The following COL12A1 variants were observed in gnomAD, a reference collection of about 807,000 sequenced individuals.
The protein encoded by COL12A1 is collagen type XII alpha 1 chain.
In COL12A1, 114 loss-of-function variants were observed where a neutral mutation model predicts 349.7. The observed-to-expected ratio is 0.33, with a 90% CI of 0.28 to 0.38. The LOEUF (loss-of-function observed/expected upper bound fraction) is 0.38. COL12A1 is among the 10% of genes least tolerant of loss of function. The probability of loss-of-function intolerance (pLI) is 1.00; values close to 1 mark genes in which losing one functional copy is unlikely to be tolerated. For synonymous variants in COL12A1, 1,369 were observed against 1,329.0 expected (o/e 1.03, Z -0.66); for missense variants, 3,284 against 3,756.9 (o/e 0.87, Z 3.29).
chr6:75,120,121 C>A (rs1007302830), intron 44 of COL12A1, among the ~76,000 whole-genome samples: 1 of 151,966 alleles, frequency 6.6e-6, no homozygotes, highest in Non-Finnish European at 1.5e-5. Context: ...GTAACTGGTA[C>A]ATAGATGTTA....
At chr6:75,103,678 A>T (rs1253395673) in intron 55 of COL12A1, 79 bp downstream of exon 55, 1 of 1,227,816 alleles carries the variant, frequency 8.1e-7, no homozygotes, top group African/African-American at 1.5e-5. Context: ...TCAAGATCAC[A>T]TACCCCCTTT....
rs748426443 is a variant in COL12A1 at position 75,134,017 on chromosome 6, C to T, written c.5525-20G>A. 29 of 1,607,306 alleles carry T rather than the reference C, an allele frequency of 1.8e-5. No individual in the cohort carries two copies. Among genetic ancestry groups the T allele is most frequent in the Non-Finnish European group, 2.5e-5 (29 of 1,176,456 alleles). ...GAGGTTCTGAAATGCACAGAAATCCCATCACAGTATAATGCTAACAATCAA... is the reference window on the plus strand; with the variant it reads ...GAGGTTCTGAAATGCACAGAAATCCTATCACAGTATAATGCTAACAATCAA... On this transcript the variant is annotated intron_variant, in intron 32 of 65. Transcript: ENST00000322507.
chr6:75,151,709 A>C (rs904530723), intron 20 of COL12A1, among the ~76,000 whole-genome samples, 158 bp downstream of exon 20: 1 of 152,212 alleles, frequency 6.6e-6, no homozygotes, highest in East Asian at 1.9e-4. Context: ...AAAAAGAAGA[A>C]AAAAGTGAAT....
intron 27 of COL12A1, among the ~76,000 whole-genome samples, chr6:75,141,262 C>T (rs1467856521): frequency 6.6e-6 from 1 of 152,088 alleles, no homozygotes; most frequent in Non-Finnish European, 1.5e-5. Flanking sequence ...TTATTATGTG[C>T]CAGGCACTGG....
chr6:75,141,890 A>T, intron 27 of COL12A1, 142 bp downstream of exon 27: 2 of 1,026,870 alleles, frequency 1.9e-6, no homozygotes, highest in Non-Finnish European at 2.8e-6. Flanking sequence ...ACAAAAAAAT[A>T]AGTGAAAAAC....
chr6:75,108,385 G>A (rs977509841), intron 52 of COL12A1, among the ~76,000 whole-genome samples: 1 of 152,090 alleles, frequency 6.6e-6, no homozygotes, highest in East Asian at 1.9e-4. Flanking sequence ...ATGGTGCCTG[G>A]CTTTGATTGA....
rs1217813368 is a variant in COL12A1 at position 75,188,481 on chromosome 6, A to C, written c.878T>G (p.Leu293Arg). Residue 293 changes from leucine to arginine, a missense_variant, in exon 8 of 66, where the codon CTG becomes CGG. Leu to Arg is a moderately radical substitution (Grantham distance 102). This residue lies in a region of COL12A1 where 2,601 missense variants were observed against 2,824.8 expected (regional missense o/e 0.92). Coordinates refer to ENST00000322507, the MANE Select transcript of COL12A1 (RefSeq NM_004370.6). ...ELKQIASTPSLNHVFNVANFD... is the reference protein window; with the variant it reads ...ELKQIASTPSRNHVFNVANFD... ...GTTGGCCACATTGAAAACATGGTTC[A>C]GTGAAGGTGTGGAGGCAATTTGTTT... 6.2e-7 allele frequency: 1 copy of C among 1,613,426 alleles called. No homozygotes were observed. The highest frequency in any genetic ancestry group is 1.3e-5 in the African/African-American group (1 of 74,884).
At chr6:75,129,974 T>C in intron 37 of COL12A1, 117 bp downstream of exon 37, 1 of 1,230,752 alleles carries the variant, frequency 8.1e-7, no homozygotes, top group Non-Finnish European at 1.1e-6. Flanking sequence ...GAGAAAATCC[T>C]AAAGTGTGAC....
chr6:75,089,910 G>A (rs1238488035), intron 63 of COL12A1, among the ~76,000 whole-genome samples, 200 bp downstream of exon 63: 1 of 152,096 alleles, frequency 6.6e-6, no homozygotes, highest in African/African-American at 2.4e-5. Context: ...TCTTTACTGA[G>A]ATCTGATAAA....
At chr6:75,112,836 A>T (rs1464332822) in intron 51 of COL12A1, among the ~76,000 whole-genome samples, 2 of 151,630 alleles carry the variant, frequency 1.3e-5, no homozygotes, top group African/African-American at 4.8e-5. Context: ...TTCAATAAAA[A>T]GCAAGCAGAA....
intron 14 of COL12A1, among the ~76,000 whole-genome samples, chr6:75,162,226 C>A (rs1364961823): frequency 6.6e-6 from 1 of 152,162 alleles, no homozygotes; most frequent in East Asian, 1.9e-4. Flanking sequence ...AAGCTGGAGG[C>A]ATCAAGCTAC....
Position 75,103,743 on chromosome 6 carries a change from TA to T in COL12A1, c.8319+13del, listed in dbSNP as rs1457393178. ...TATAGATAAGAATTTAAATGCACTCTAAAATATACTTACAATTGCCCCACTG... is the reference window on the plus strand; with the variant it reads ...TATAGATAAGAATTTAAATGCACTCTAAATATACTTACAATTGCCCCACTG... On this transcript the variant is annotated intron_variant, in intron 55 of 65. Transcript: ENST00000322507. The T allele has an allele frequency of 6.8e-6, 11 of 1,610,442 alleles. No individual in the cohort carries two copies. The highest frequency in any genetic ancestry group is 8.5e-6 in the Non-Finnish European group (10 of 1,177,518).
intron 37 of COL12A1, among the ~76,000 whole-genome samples, chr6:75,129,031 A>T: frequency 6.6e-6 from 1 of 152,236 alleles, no homozygotes; most frequent in East Asian, 1.9e-4. Flanking sequence ...TACAAACAAC[A>T]TGGATAAGGT....
intron 35 of COL12A1, 32 bp from the exon 36 acceptor site, chr6:75,131,013 A>G: frequency 6.2e-7 from 1 of 1,613,862 alleles, no homozygotes; most frequent in East Asian, 2.2e-5. Flanking sequence ...ATTCTGCCTG[A>G]CAACAACTCA....
At chr6:75,179,706 A>G (rs775300288) in intron 11 of COL12A1, among the ~76,000 whole-genome samples, 59 of 152,170 alleles carry the variant, frequency 3.9e-4, no homozygotes, top group Non-Finnish European at 1.2e-4. Flanking sequence ...CATGGTCTTT[A>G]CCTCCTATTC....
intron 13 of COL12A1, among the ~76,000 whole-genome samples, chr6:75,168,086 A>T (rs1396822051): frequency 6.6e-6 from 1 of 152,140 alleles, no homozygotes; most frequent in East Asian, 1.9e-4. Flanking sequence ...AGCAACATAG[A>T]CTCCAAAGAA....
In COL12A1 at chr6:75,145,453, C is replaced by T. The variant is rs752140076; in HGVS notation, c.4563G>A (p.Val1521=). ...KDTEPTRPKE[V]RLGPTVNDMQ... is the part of the protein sequence containing the mutation. ...TGTCATTCACTGTTGGCCCCAAACG[C>T]ACCTGCACATGGATATGTGGAGCAG... Residue 1521 remains valine, a splice_region_variant and synonymous_variant, in exon 25 of 66, where the codon GTG becomes GTA. Coordinates refer to ENST00000322507, the MANE Select transcript of COL12A1 (RefSeq NM_004370.6). The T allele has an allele frequency of 6.2e-7, 1 of 1,613,370 alleles. No individual in the cohort carries two copies. Among genetic ancestry groups the T allele is most frequent in the Non-Finnish European group, 8.5e-7 (1 of 1,179,590 alleles).
At position 75,183,406 on chromosome 6, in the gene COL12A1, T is replaced by C. The variant is rs1345855265; in HGVS notation, c.1535A>G (p.Tyr512Cys). The C allele has an allele frequency of 1.2e-6, 2 of 1,614,228 alleles. No individual in the cohort carries two copies. The highest frequency in any genetic ancestry group is 1.7e-6 in the Non-Finnish European group (2 of 1,180,038). ...GCCAGTATTTGTAGATCCTCCTCTG[T>C]AAGGGAAGGTGTTTATTGCTTCAAT... ...DIIEAINTFP[Y>C]RGGSTNTGKA... Residue 512 changes from tyrosine (Y) to cysteine (C), a missense_variant, in exon 10 of 66, where the codon TAC becomes TGC. Coordinates refer to ENST00000322507, the MANE Select transcript of COL12A1 (RefSeq NM_004370.6).
intron 37 of COL12A1, 50 bp downstream of exon 37, chr6:75,130,041 C>T: frequency 9.4e-6 from 15 of 1,596,918 alleles, no homozygotes; most frequent in Non-Finnish European, 1.3e-5. Flanking sequence ...ACTTCACTGT[C>T]CATTCAGCTA....
Sources: allele counts gnomAD v4.1 joint callset (sites outside exome capture counted in the v4.1 genomes callset), GRCh38; gene constraint gnomAD v4.1.1; regional missense constraint gnomAD v4.1.1; transcripts MANE v1.5; gene names NCBI Gene and HGNC (gene_info 2026-07-23, HGNC 2026-07-21).